Variants in TMEM123 observed in about 807,000 individuals in gnomAD.
The protein encoded by TMEM123 is porimin.
A neutral mutation model predicts 19.7 loss-of-function variants in TMEM123; 16 were observed. That is an observed-to-expected ratio of 0.81 (90% CI 0.55 to 1.23). The LOEUF is 1.23. Among genes scored for constraint, TMEM123 ranks in the 50% most tolerant of loss-of-function variants. TMEM123 has a pLI of 0.00. For synonymous variants in TMEM123, 118 were observed against 99.4 expected (o/e 1.19, Z -1.12); for missense variants, 313 against 257.8 (o/e 1.21, Z -1.47).
chr11:102,437,084 T>G (rs1050222025), intron 2 of TMEM123, among the ~76,000 whole-genome samples: 1 of 152,162 alleles, frequency 6.6e-6, no homozygotes, highest in Admixed American at 6.5e-5. Context: ...TGTTTTCCTG[T>G]TAGTTTTGTT....
At position 102,402,209 on chromosome 11, in the gene TMEM123, G is replaced by A. The variant is rs757067011; in HGVS notation, c.158-3C>T. The A allele has an allele frequency of 6.2e-6, 10 of 1,611,666 alleles. No homozygotes were observed. The South Asian group carries it at 7.7e-5, about 12-fold the overall frequency. On this transcript the variant is annotated splice_region_variant and splice_polypyrimidine_tract_variant and intron_variant, in intron 2 of 4. Transcript: ENST00000398136. Reference sequence around the variant, plus strand: ...AGAAGGCACATGTTGGAGAGTCTCTGCAATAATATCAAGAAACATTAAAAC... The same window carrying A: ...AGAAGGCACATGTTGGAGAGTCTCTACAATAATATCAAGAAACATTAAAAC...
At chr11:102,400,470 T>G (rs892677573) in intron 4 of TMEM123, among the ~76,000 whole-genome samples, 5 of 152,250 alleles carry the variant, frequency 3.3e-5, no homozygotes, top group Admixed American at 2.6e-4. Context: ...ACTGTGTGTG[T>G]GGGACACATG....
intron 2 of TMEM123, among the ~76,000 whole-genome samples, chr11:102,402,567 TTGAA>T (rs1215385790): frequency 1.3e-5 from 2 of 152,328 alleles, no homozygotes; most frequent in African/African-American, 2.4e-5. Context: ...CAAATATCTG[TTGAA>T]TGGATGGATA....
intron 2 of TMEM123, among the ~76,000 whole-genome samples, chr11:102,444,018 A>G (rs1273548027): frequency 6.6e-6 from 1 of 152,232 alleles, no homozygotes; most frequent in Non-Finnish European, 1.5e-5. Flanking sequence ...AGCAGTTACA[A>G]TGGCAATCAT....
At chr11:102,447,336 T>TTC in intron 2 of TMEM123, among the ~76,000 whole-genome samples, 1 of 152,362 alleles carries the variant, frequency 6.6e-6, no homozygotes, top group South Asian at 2.1e-4. Flanking sequence ...ACATAGGTTT[T>TTC]AGAATACAAC....
chr11:102,435,190 T>TA (rs1301855404), intron 2 of TMEM123, among the ~76,000 whole-genome samples: 1 of 151,814 alleles, frequency 6.6e-6, no homozygotes, highest in Non-Finnish European at 1.5e-5. Context: ...AATAAATAAA[T>TA]AATTTTCCAC....
At chr11:102,433,885 G>A (rs1471340511) in intron 2 of TMEM123, among the ~76,000 whole-genome samples, 1 of 151,658 alleles carries the variant, frequency 6.6e-6, no homozygotes, top group Non-Finnish European at 1.5e-5. Context: ...CCTATGAAGA[G>A]GTGCCTTCTG....
At chr11:102,452,335 C>T in intron 1 of TMEM123, 189 bp downstream of exon 1, 3 of 427,224 alleles carry the variant, frequency 7.0e-6, no homozygotes, top group Non-Finnish European at 1.2e-5. Flanking sequence ...CAGCAGGCGG[C>T]CCCGGGGCCA....
rs1951881326 is a variant in TMEM123, at chr11:102,398,631, T to C, written c.*236A>G. On this transcript the variant is annotated 3_prime_UTR_variant, in exon 5 of 5. Transcript: ENST00000398136. Reference sequence around the variant, plus strand: ...AAGATAGGACTTGTTTGTCTTACTATGAACTTGCTAAAACCATTGTATGAA... The same window carrying C: ...AAGATAGGACTTGTTTGTCTTACTACGAACTTGCTAAAACCATTGTATGAA... 5 of 518,338 alleles carry C rather than the reference T, an allele frequency of 9.6e-6. No individual in the cohort carries two copies. The highest frequency in any genetic ancestry group is 6.6e-6 in the Non-Finnish European group (2 of 303,430). The allele number at this position is 518,338 out of a possible 1,614,324, so 32.1% of individuals were successfully genotyped here.
At chr11:102,425,000 T>C (rs780734519) in intron 2 of TMEM123, among the ~76,000 whole-genome samples, 1 of 152,228 alleles carries the variant, frequency 6.6e-6, no homozygotes, top group Non-Finnish European at 1.5e-5. Context: ...AACCTGTTTG[T>C]TGAAAATACA....
At position 102,398,691 on chromosome 11, in the gene TMEM123, C is replaced by G; in HGVS notation, c.*176G>C. 1 of 652,056 alleles carries G rather than the reference C, an allele frequency of 1.5e-6. No homozygotes were observed. The highest frequency in any genetic ancestry group is 2.5e-6 in the Non-Finnish European group (1 of 398,040). 40.4% of individuals were successfully genotyped at this position (652,056 alleles called of 1,614,324 possible). A position where few individuals can be genotyped will look rare whatever the true frequency, so the allele number is the denominator to read the frequency against. The stretch of plus-strand genomic sequence containing the variant: ...AGGATCCAGATGTTTATTTCAAAAC[C>G]CAAACCCTTGTTACCTTGAAGAATC... On this transcript the variant is annotated 3_prime_UTR_variant, in exon 5 of 5. Transcript: ENST00000398136.
intron 2 of TMEM123, among the ~76,000 whole-genome samples, chr11:102,442,749 T>A (rs930033244): frequency 1.3e-5 from 2 of 152,128 alleles, no homozygotes; most frequent in Non-Finnish European, 2.9e-5. Flanking sequence ...AAAGAGGAAG[T>A]CAAATTGTCC....
intron 2 of TMEM123, among the ~76,000 whole-genome samples, chr11:102,421,482 A>C (rs550218619): frequency 1.6e-4 from 24 of 152,074 alleles, no homozygotes; most frequent in Non-Finnish European, 3.2e-4. Context: ...GGTCATTAAC[A>C]AGCTCAAAGC....
rs1463450369 is a variant in TMEM123, at chr11:102,398,227, T to A, written c.*640A>T. The A allele has an allele frequency of 1.0e-5, 2 of 192,572 alleles. No individual in the cohort carries two copies. The highest frequency in any genetic ancestry group is 2.1e-5 in the Non-Finnish European group (2 of 95,396). 11.9% of individuals were successfully genotyped at this position (192,572 alleles called of 1,614,324 possible). On this transcript the variant is annotated 3_prime_UTR_variant, in exon 5 of 5. Transcript: ENST00000398136. ...AGAAGTTAATAAAAATATGTGCTCCTTAATGCTCCAATGGATCCCTAACAG... is the reference window on the plus strand; with the variant it reads ...AGAAGTTAATAAAAATATGTGCTCCATAATGCTCCAATGGATCCCTAACAG...
chr11:102,405,747 A>G (rs549789387), intron 2 of TMEM123, among the ~76,000 whole-genome samples: 1 of 152,332 alleles, frequency 6.6e-6, no homozygotes, highest in Admixed American at 6.5e-5. Flanking sequence ...ACAAAGTCAC[A>G]TGGGCCAAAA....
At chr11:102,425,771 A>T (rs1952121694) in intron 2 of TMEM123, among the ~76,000 whole-genome samples, 1 of 151,132 alleles carries the variant, frequency 6.6e-6, no homozygotes, top group Non-Finnish European at 1.5e-5. Flanking sequence ...TTTTGTGGAG[A>T]CAGGTTTCCC....
intron 2 of TMEM123, among the ~76,000 whole-genome samples, chr11:102,414,670 A>C (rs1031541850): frequency 1.3e-5 from 2 of 152,244 alleles, no homozygotes; most frequent in Admixed American, 1.3e-4. Flanking sequence ...TTACCACCAG[A>C]CTTGCCTTAG....
chr11:102,451,426 GCAAAA>G (rs2135869238), intron 1 of TMEM123, among the ~76,000 whole-genome samples: 1 of 152,164 alleles, frequency 6.6e-6, no homozygotes, highest in East Asian at 1.9e-4. Flanking sequence ...AAAAACTTCA[GCAAAA>G]CAAAGAAAAA....
In TMEM123 at chr11:102,425,177, G is replaced by C. The variant is rs114784043; in HGVS notation, c.158-22971C>G. ...CCAACCAGTTCTGTGCTGAAATTGTGGCACAGTCATCTTCTGTGTAGCTCT... is the reference window on the plus strand; with the variant it reads ...CCAACCAGTTCTGTGCTGAAATTGTCGCACAGTCATCTTCTGTGTAGCTCT... On this transcript the variant is annotated intron_variant, in intron 2 of 4. Coordinates refer to ENST00000398136, the MANE Select transcript of TMEM123 (RefSeq NM_052932.3). 2.7e-3 allele frequency among the ~76,000 whole-genome samples: 414 copies of C among 152,258 alleles called. 2 individuals are homozygous for C. The highest frequency in any genetic ancestry group is 9.5e-3 in the African/African-American group (396 of 41,554).
Sources: allele counts gnomAD v4.1 joint callset (sites outside exome capture counted in the v4.1 genomes callset), GRCh38; gene constraint gnomAD v4.1.1; transcripts MANE v1.5; gene names NCBI Gene and HGNC (gene_info 2026-07-23, HGNC 2026-07-21).